Variants in SLC25A12 observed in about 807,000 individuals in gnomAD.
SLC25A12 encodes the protein electrogenic aspartate/glutamate antiporter SLC25A12, mitochondrial.
Under a neutral mutation model 83.3 loss-of-function variants are expected in SLC25A12, and 32 were observed. The ratio of observed to expected loss-of-function variants is 0.38; its 90% CI spans 0.29 to 0.52. The LOEUF is 0.52. Ranked by LOEUF, SLC25A12 falls within the 20% of genes least tolerant of loss-of-function variation. The pLI, the probability that SLC25A12 is intolerant of heterozygous loss-of-function variation, is 0.84. For synonymous variants in SLC25A12, 267 were observed against 291.1 expected (o/e 0.92, Z 0.84); for missense variants, 611 against 835.6 (o/e 0.73, Z 3.31).
intron 2 of SLC25A12, among the ~76,000 whole-genome samples, chr2:171,872,934 C>T (rs1558940355): frequency 6.6e-6 from 1 of 150,986 alleles, no homozygotes; most frequent in Non-Finnish European, 1.5e-5. Flanking sequence ...TATACTAATA[C>T]ATGTAGTAGA....
At chr2:171,867,917 G>A (rs775775579) in intron 3 of SLC25A12, among the ~76,000 whole-genome samples, 47 of 152,240 alleles carry the variant, frequency 3.1e-4, no homozygotes, top group African/African-American at 1.0e-3. Context: ...CAATCTCGGC[G>A]CACTGCAAGC....
chr2:171,892,232 C>CT (rs11442059), intron 2 of SLC25A12, among the ~76,000 whole-genome samples: 121,834 of 146,408 alleles, frequency 0.83, 51,117 homozygotes, highest in Middle Eastern at 0.9. Flanking sequence ...TTTACATCTA[C>CT]TTTTTTTTTT....
rs1449377065 is a variant in SLC25A12, at chr2:171,801,536, T to C, written c.1306-7769A>G. On this transcript the variant is annotated intron_variant, in intron 13 of 17. Transcript: ENST00000422440. ...CATATAAATATTATATATAAACACA[T>C]ATATACAGGTGGTCCCCAACTTAAC... is the stretch of plus-strand genomic sequence containing the variant. Among the ~76,000 whole-genome samples the C allele has an allele frequency of 3.3e-5, 5 of 152,204 alleles. No individual in the cohort carries two copies. In the East Asian group the frequency reaches 9.6e-4, roughly 29 times the overall value.
chr2:171,826,786 G>T lies in SLC25A12; in HGVS notation c.930+12C>A, dbSNP rs771050955. 5 of 1,470,914 alleles carry T rather than the reference G, an allele frequency of 3.4e-6. No individual in the cohort carries two copies. The South Asian group carries it at 5.7e-5, about 17-fold the overall frequency. The allele number at this position is 1,470,914 out of a possible 1,614,324, so 91.1% of individuals were successfully genotyped here. ...TTTTTTAAGGTGATCATATTTATGA[G>T]ATTACTCATACCTGTCTCTGAAGTT... On this transcript the variant is annotated intron_variant, in intron 9 of 17. Coordinates refer to ENST00000422440, the MANE Select transcript of SLC25A12 (RefSeq NM_003705.5).
chr2:171,804,529 G>T (rs1683782449), intron 13 of SLC25A12, among the ~76,000 whole-genome samples: 1 of 152,010 alleles, frequency 6.6e-6, no homozygotes, highest in Admixed American at 6.6e-5. Flanking sequence ...CCAAAGTGCT[G>T]GAATTATAAG....
intron 15 of SLC25A12, among the ~76,000 whole-genome samples, chr2:171,789,405 T>G (rs1207782555): frequency 6.6e-6 from 1 of 152,082 alleles, no homozygotes; most frequent in Non-Finnish European, 1.5e-5. Context: ...ATTTTTTGTA[T>G]TTTTAGTAGA....
intron 2 of SLC25A12, among the ~76,000 whole-genome samples, chr2:171,880,031 T>C (rs1375223375): frequency 6.6e-6 from 1 of 152,178 alleles, no homozygotes; most frequent in Non-Finnish European, 1.5e-5. Flanking sequence ...TTGGTTAGTT[T>C]TTCAGAGTGT....
At chr2:171,891,415 A>G (rs1294239222) in intron 2 of SLC25A12, among the ~76,000 whole-genome samples, 1 of 152,174 alleles carries the variant, frequency 6.6e-6, no homozygotes, top group Non-Finnish European at 1.5e-5. Context: ...GAATCACAGT[A>G]TATTTTTTTC....
chr2:171,849,558 CTTT>C (rs72304626), intron 4 of SLC25A12, among the ~76,000 whole-genome samples: 14 of 114,586 alleles, frequency 1.2e-4, no homozygotes, highest in Admixed American at 2.0e-4. Flanking sequence ...GTGGTGTGAT[CTTT>C]TTTTTTTTTT....
At chr2:171,886,079 T>C (rs1010390277) in intron 2 of SLC25A12, among the ~76,000 whole-genome samples, 1 of 152,336 alleles carries the variant, frequency 6.6e-6, no homozygotes, top group African/African-American at 2.4e-5. Flanking sequence ...TCATGCTATA[T>C]ATACTTATTT....
intron 9 of SLC25A12, among the ~76,000 whole-genome samples, chr2:171,818,328 G>C (rs948780656): frequency 1.3e-5 from 2 of 152,014 alleles, no homozygotes; most frequent in Non-Finnish European, 2.9e-5. Flanking sequence ...ATTTAACAAG[G>C]TTAATTAAGT....
chr2:171,893,208 T>C lies in SLC25A12; in HGVS notation c.63A>G (p.Leu21=). The change falls in exon 2 of 18, where the codon CTA becomes CTG. Residue 21 remains leucine (L), a synonymous_variant. Transcript: ENST00000422440. ...GDPHELRNIF[L]QYASTEVDGE... ...CACACTATGCAAGCCAATTTACCTG[T>C]AGAAATATGTTTCTTAACTCATGAG... is the stretch of plus-strand genomic sequence containing the variant. The C allele has an allele frequency of 6.2e-7, 1 of 1,614,038 alleles. No individual in the cohort carries two copies. The highest frequency in any genetic ancestry group is 8.5e-7 in the Non-Finnish European group (1 of 1,179,910).
chr2:171,837,315 A>C (rs1317496387), intron 5 of SLC25A12, 48 bp from the exon 6 acceptor site: 1 of 1,602,104 alleles, frequency 6.2e-7, no homozygotes, highest in Non-Finnish European at 8.6e-7. Context: ...AACACATTCC[A>C]AGTACATGGT....
At chr2:171,860,817 C>A (rs1685141014) in intron 3 of SLC25A12, among the ~76,000 whole-genome samples, 1 of 152,062 alleles carries the variant, frequency 6.6e-6, no homozygotes, top group Admixed American at 6.6e-5. Context: ...TACAGTGGCT[C>A]ACGCCTGTAA....
At chr2:171,791,684 G>A (rs1212395457) in intron 14 of SLC25A12, 95 bp from the exon 15 acceptor site, 2 of 1,220,802 alleles carry the variant, frequency 1.6e-6, no homozygotes, top group Non-Finnish European at 2.4e-6. Flanking sequence ...ACAAGCTTGA[G>A]GTGTCCCTCA....
intron 13 of SLC25A12, among the ~76,000 whole-genome samples, chr2:171,795,926 A>G (rs915128102): frequency 1.1e-4 from 17 of 152,328 alleles, no homozygotes; most frequent in Admixed American, 5.2e-4. Context: ...TACAATAAAA[A>G]GAAATAACTG....
intron 13 of SLC25A12, among the ~76,000 whole-genome samples, chr2:171,802,599 AC>A (rs1157038126): frequency 1.3e-5 from 2 of 151,922 alleles, no homozygotes; most frequent in Non-Finnish European, 2.9e-5. Flanking sequence ...ACACGGTGAA[AC>A]CCCGTCTCTA....
chr2:171,866,606 T>C, intron 3 of SLC25A12, among the ~76,000 whole-genome samples: 1 of 139,534 alleles, frequency 7.2e-6, no homozygotes, highest in Non-Finnish European at 1.6e-5. Context: ...CCCACCTCCC[T>C]CCCGGACGGG....
Position 171,810,138 on chromosome 2 carries a change from A to G in SLC25A12, c.1224+86T>C. 4 of 1,125,854 alleles carry G rather than the reference A, an allele frequency of 3.6e-6. No individual in the cohort carries two copies. In the South Asian group the frequency reaches 3.7e-5, roughly 10 times the overall value. The allele number at this position is 1,125,854 out of a possible 1,614,324, so 69.7% of individuals were successfully genotyped here. Reference sequence around the variant, plus strand: ...CCAAAATGCTGAGATTATAGGCATGAGCTACCACGCCTAGCCTTGATTTTA... The same window carrying G: ...CCAAAATGCTGAGATTATAGGCATGGGCTACCACGCCTAGCCTTGATTTTA... On this transcript the variant is annotated intron_variant, in intron 12 of 17. Transcript: ENST00000422440.
Sources: gnomAD v4.1 joint callset for allele counts (sites outside exome capture counted in the v4.1 genomes callset) on GRCh38, gnomAD v4.1.1 for gene constraint, MANE v1.5 for transcripts, NCBI Gene and HGNC (gene_info 2026-07-23, HGNC 2026-07-21) for gene names.